Variants in ESRRG observed in about 807,000 individuals in gnomAD.
ESRRG encodes estrogen related receptor gamma.
A neutral mutation model predicts 44.0 loss-of-function variants in ESRRG; 13 were observed. That is an observed-to-expected ratio of 0.30 (90% CI 0.19 to 0.47). The LOEUF is 0.47. ESRRG is among the 20% of genes least tolerant of loss of function. The pLI is 1.00. For synonymous variants in ESRRG, 215 were observed against 214.6 expected, an observed-to-expected ratio of 1.00 and a Z score of -0.02; for missense variants, 395 against 580.6, an observed-to-expected ratio of 0.68 and a Z score of 3.29.
At chr1:216,508,547 C>T (rs2041837169) in intron 6 of ESRRG, among the ~76,000 whole-genome samples, 1 of 152,214 alleles carries the variant, frequency 6.6e-6, no homozygotes, top group African/African-American at 2.4e-5. Flanking sequence ...GGACTCAAGT[C>T]ACTCCCCAAC....
chr1:216,765,090 C>T (rs1045515520), intron 2 of ESRRG, among the ~76,000 whole-genome samples: 2 of 152,036 alleles, frequency 1.3e-5, no homozygotes, highest in Non-Finnish European at 2.9e-5. Flanking sequence ...TGAGTTTTCC[C>T]AATGGCCAGA....
chr1:216,665,352 T>C (rs2073642675), intron 2 of ESRRG, among the ~76,000 whole-genome samples: 1 of 152,152 alleles, frequency 6.6e-6, no homozygotes, highest in Admixed American at 6.6e-5. Context: ...GGGACTCCTG[T>C]ATTATTCCAT....
chr1:216,851,154 A>G (rs2095837067), intron 2 of ESRRG, among the ~76,000 whole-genome samples: 1 of 151,582 alleles, frequency 6.6e-6, no homozygotes, highest in Non-Finnish European at 1.5e-5. Flanking sequence ...TCCTAGCAGG[A>G]CTGGAAGAAA....
chr1:216,800,785 A>G (rs1280096756), intron 2 of ESRRG, among the ~76,000 whole-genome samples: 5 of 152,114 alleles, frequency 3.3e-5, no homozygotes, highest in African/African-American at 9.7e-5. Context: ...GTTCTCTGTT[A>G]TCTTGTGGGT....
intron 2 of ESRRG, among the ~76,000 whole-genome samples, chr1:216,881,499 G>T (rs1330220749): frequency 1.3e-5 from 2 of 152,054 alleles, no homozygotes; most frequent in African/African-American, 2.4e-5. Flanking sequence ...GGAGCTAGGG[G>T]TTGGTGGGGA....
In ESRRG at chr1:216,913,171, T is replaced by A. The variant is rs73097585; in HGVS notation, c.-14+26411A>T. The stretch of plus-strand genomic sequence containing the variant: ...GAAAAACGAAAATATTTGAAAAAAA[T>A]TGAATAGTTGCATCTCTACTCAACA... On this transcript the variant is annotated intron_variant, in intron 2 of 7. Coordinates refer to the ESRRG transcript ENST00000359162. 3.0e-3 allele frequency among the ~76,000 whole-genome samples: 415 copies of A among 138,104 alleles called. 1 individual carries two copies. The highest frequency in any genetic ancestry group is 0.01 in the African/African-American group (383 of 37,240). The allele number at this position is 138,104 out of a possible 152,430, so 90.6% of individuals were successfully genotyped here. A position where few individuals can be genotyped will look rare whatever the true frequency, so the allele number is the denominator to read the frequency against.
At chr1:216,680,531 G>A (rs1369980592) in intron 1 of ESRRG, among the ~76,000 whole-genome samples, 2 of 152,162 alleles carry the variant, frequency 1.3e-5, no homozygotes, top group South Asian at 2.1e-4. Context: ...CACAGCCCAC[G>A]CATAAGTGGA....
chr1:217,030,866 A>G (rs529800133), intron 1 of ESRRG, among the ~76,000 whole-genome samples: 1 of 152,372 alleles, frequency 6.6e-6, no homozygotes, highest in South Asian at 2.1e-4. Context: ...GCTAATATTT[A>G]GGATAAACAG....
intron 3 of ESRRG, among the ~76,000 whole-genome samples, chr1:216,579,049 G>A (rs2062217723): frequency 6.6e-6 from 1 of 152,028 alleles, no homozygotes; most frequent in Admixed American, 6.6e-5. Context: ...AAATACTATA[G>A]ATTACAGACA....
intron 2 of ESRRG, among the ~76,000 whole-genome samples, chr1:216,868,924 T>G (rs899480688): frequency 1.6e-4 from 25 of 152,350 alleles, no homozygotes; most frequent in Middle Eastern, 3.4e-3. Flanking sequence ...GTTAGTTTTC[T>G]TACTACTCAG....
intron 2 of ESRRG, among the ~76,000 whole-genome samples, chr1:216,776,642 G>A (rs2093627122): frequency 6.6e-6 from 1 of 152,078 alleles, no homozygotes; most frequent in Non-Finnish European, 1.5e-5. Flanking sequence ...ATGTTGGCAT[G>A]GACAACATTC....
intron 1 of ESRRG, among the ~76,000 whole-genome samples, chr1:216,711,177 G>C (rs546725003): frequency 3.3e-5 from 5 of 152,286 alleles, no homozygotes; most frequent in African/African-American, 1.2e-4. Context: ...GGCAAGGAAA[G>C]CTCCTATTGG....
At chr1:216,622,609 TACACACACGCACAC>T (rs2062440358) in intron 3 of ESRRG, among the ~76,000 whole-genome samples, 1 of 150,824 alleles carries the variant, frequency 6.6e-6, no homozygotes, top group Admixed American at 6.6e-5. Flanking sequence ...AAATGAAAAT[TACACACACGCACAC>T]ACACACACAC....
chr1:216,823,229 G>T (rs545387866), intron 2 of ESRRG, among the ~76,000 whole-genome samples: 1 of 152,080 alleles, frequency 6.6e-6, no homozygotes, highest in African/African-American at 2.4e-5. Context: ...AAGGGAGTAA[G>T]ACTGGATGCA....
intron 3 of ESRRG, among the ~76,000 whole-genome samples, chr1:216,572,863 T>A (rs955407142): frequency 1.3e-5 from 2 of 152,056 alleles, no homozygotes; most frequent in African/African-American, 2.4e-5. Context: ...TCTATCTCTA[T>A]CACCATTCCC....
chr1:216,961,880 C>T (rs1272465655), intron 1 of ESRRG, among the ~76,000 whole-genome samples: 1 of 152,112 alleles, frequency 6.6e-6, no homozygotes, highest in African/African-American at 2.4e-5. Context: ...AAAACACACA[C>T]ATATACGCAC....
chr1:216,738,368 G>T (rs1402725644), intron 2 of ESRRG, among the ~76,000 whole-genome samples: 2 of 152,030 alleles, frequency 1.3e-5, no homozygotes, highest in East Asian at 1.9e-4. Flanking sequence ...GTCCTATACT[G>T]CCAAGCAACT....
intron 1 of ESRRG, among the ~76,000 whole-genome samples, chr1:216,679,242 CCT>C (rs1375445725): frequency 6.6e-6 from 1 of 152,198 alleles, no homozygotes; most frequent in Non-Finnish European, 1.5e-5. Context: ...ACTACGGCGT[CCT>C]CTCTCTTCTG....
At chr1:216,818,529 ATCC>A (rs901237826) in intron 2 of ESRRG, among the ~76,000 whole-genome samples, 2 of 152,150 alleles carry the variant, frequency 1.3e-5, no homozygotes, top group African/African-American at 4.8e-5. Flanking sequence ...CATGGTCCTC[ATCC>A]TCTTAGCTCA....
Sources: gnomAD v4.1 joint callset for allele counts (sites outside exome capture counted in the v4.1 genomes callset) on GRCh38, gnomAD v4.1.1 for gene constraint, MANE v1.5 for transcripts, NCBI Gene and HGNC (gene_info 2026-07-23, HGNC 2026-07-21) for gene names.